Variants in GPC3 observed in about 807,000 individuals in gnomAD.
GPC3 encodes glypican-3.
A neutral mutation model predicts 34.4 loss-of-function variants in GPC3; 3 were observed. The ratio of observed to expected loss-of-function variants is 0.09; its 90% CI spans 0.04 to 0.23. GPC3 has a LOEUF of 0.23. GPC3 is among the 10% of genes least tolerant of loss of function. GPC3 has a pLI of 1.00. For missense variants in GPC3, 351 were observed against 445.6 expected, an observed-to-expected ratio of 0.79 and a Z score of 1.91; for synonymous variants, 177 against 174.0, an observed-to-expected ratio of 1.02 and a Z score of -0.13.
chrX:133,921,847 G>A (rs990612205), intron 2 of GPC3, among the ~76,000 whole-genome samples: 12 of 112,142 alleles, frequency 1.1e-4, no homozygotes, highest in Non-Finnish European at 2.1e-4. Flanking sequence ...ATGTGTCTCC[G>A]CCATGTTATG....
At chrX:133,836,632 A>G (rs967402457) in intron 2 of GPC3, among the ~76,000 whole-genome samples, 3 of 112,204 alleles carry the variant, frequency 2.7e-5, no homozygotes, top group African/African-American at 9.7e-5. Context: ...TTGGCCCCCA[A>G]TCTCAAGTCA....
At chrX:133,816,950 C>G (rs1397886521) in intron 2 of GPC3, among the ~76,000 whole-genome samples, 3 of 112,028 alleles carry the variant, frequency 2.7e-5, no homozygotes, top group Non-Finnish European at 5.6e-5. Flanking sequence ...AATTAGGGAC[C>G]CATAAACAAA....
At chrX:133,692,525 G>A in intron 4 of GPC3, 31 bp from the exon 5 acceptor site, 1 of 1,181,040 alleles carries the variant, frequency 8.5e-7, no homozygotes, top group Non-Finnish European at 1.2e-6. Flanking sequence ...CTGTGCATAA[G>A]AGGCAAGTAA....
intron 3 of GPC3, among the ~76,000 whole-genome samples, chrX:133,707,502 C>T (rs1029071190): frequency 1.8e-5 from 2 of 111,223 alleles, no homozygotes; most frequent in Non-Finnish European, 3.8e-5. Context: ...GGTTTAACAA[C>T]GATGAGAGAT....
intron 7 of GPC3, among the ~76,000 whole-genome samples, chrX:133,581,077 A>G (rs2069727291): frequency 8.9e-6 from 1 of 112,514 alleles, no homozygotes; most frequent in South Asian, 3.7e-4. Context: ...GCGAGGCTGA[A>G]CTCTAAAAGT....
chrX:133,796,271 C>T (rs925255812), intron 2 of GPC3, among the ~76,000 whole-genome samples: 9 of 111,988 alleles, frequency 8.0e-5, no homozygotes, highest in Admixed American at 9.4e-5. Context: ...CACACATCAA[C>T]GAAATTTCAT....
chrX:133,830,702 A>AAC (rs2075771355), intron 2 of GPC3, among the ~76,000 whole-genome samples: 1 of 108,005 alleles, frequency 9.3e-6, no homozygotes, highest in African/African-American at 3.4e-5. Flanking sequence ...AAAAAAAAAA[A>AAC]AAAACATACA....
chrX:133,883,533 A>C (rs1356339104), intron 2 of GPC3, among the ~76,000 whole-genome samples: 1 of 112,201 alleles, frequency 8.9e-6, no homozygotes, highest in African/African-American at 3.2e-5. Flanking sequence ...GGGAATTTAA[A>C]GTCAAGTTTT....
intron 7 of GPC3, among the ~76,000 whole-genome samples, chrX:133,576,621 A>G (rs1288772866): frequency 9.0e-6 from 1 of 111,028 alleles, no homozygotes; most frequent in Non-Finnish European, 1.9e-5. Context: ...CCTCTCTAAG[A>G]GCTAATATTA....
At chrX:133,984,411 T>C (rs1479581783) in intron 1 of GPC3, among the ~76,000 whole-genome samples, 1 of 112,818 alleles carries the variant, frequency 8.9e-6, no homozygotes, top group Non-Finnish European at 1.9e-5. Flanking sequence ...GCCATTAATA[T>C]TCATCTGTTG....
chrX:133,801,628 C>T (rs974985123), intron 2 of GPC3, among the ~76,000 whole-genome samples: 4 of 112,240 alleles, frequency 3.6e-5, no homozygotes, highest in Non-Finnish European at 7.5e-5. Context: ...AAATTCAATG[C>T]AATCTATGTC....
chrX:133,596,467 C>T lies in GPC3; in HGVS notation c.1546G>A (p.Val516Met), dbSNP rs1803692. Residue 516 changes from valine to methionine, a missense_variant, in exon 7 of 8, where the codon GTG becomes ATG. Physicochemically the swap from Val to Met is conservative, Grantham distance 21. Coordinates refer to ENST00000370818, the MANE Select transcript of GPC3 (RefSeq NM_004484.4). ...IGGSGDGMIK[V>M]KNQLRFLAEL... is the part of the protein sequence containing the mutation. The stretch of plus-strand genomic sequence containing the variant: ...GCAAGGAAGCGGAGCTGATTCTTCA[C>T]TTTTATCATTCCATCACCAGAGCCT... 8 of 1,208,626 alleles carry T rather than the reference C, an allele frequency of 6.6e-6. No individual in the cohort carries two copies. Among genetic ancestry groups the T allele is most frequent in the Admixed American group, 2.2e-5 (1 of 45,758 alleles).
intron 2 of GPC3, among the ~76,000 whole-genome samples, chrX:133,830,432 A>G (rs2075769378): frequency 9.0e-6 from 1 of 111,657 alleles, no homozygotes; most frequent in Non-Finnish European, 1.9e-5. Context: ...TAATCCCAGC[A>G]CTTTGGGAGG....
intron 5 of GPC3, among the ~76,000 whole-genome samples, chrX:133,677,903 A>G (rs1292575387): frequency 9.0e-6 from 1 of 111,569 alleles, no homozygotes; most frequent in Non-Finnish European, 1.9e-5. Context: ...AAAGCTGCAC[A>G]GAACACTCAT....
chrX:133,945,753 C>CA (rs199768417), intron 2 of GPC3, among the ~76,000 whole-genome samples: 3,626 of 79,278 alleles, frequency 0.046, 66 homozygotes, highest in East Asian at 0.094. Flanking sequence ...GACTCCGTCT[C>CA]AAAAAAAAAA....
At chrX:133,953,331 A>G in intron 1 of GPC3, 120 bp from the exon 2 acceptor site, 1 of 573,936 alleles carries the variant, frequency 1.7e-6, no homozygotes, top group South Asian at 2.5e-5. Flanking sequence ...CAAACAATGC[A>G]TTTCTTTTGA....
intron 3 of GPC3, among the ~76,000 whole-genome samples, chrX:133,721,486 G>T: frequency 9.0e-6 from 1 of 111,471 alleles, no homozygotes; most frequent in South Asian, 3.8e-4. Context: ...AAATAAAGAG[G>T]CTGAATTATT....
chrX:133,964,933 C>T (rs1266743197), intron 1 of GPC3, among the ~76,000 whole-genome samples: 3 of 111,301 alleles, frequency 2.7e-5, no homozygotes, highest in African/African-American at 9.8e-5. Context: ...TGACACTTTA[C>T]AACTAACTTT....
intron 7 of GPC3, among the ~76,000 whole-genome samples, chrX:133,585,656 TTC>T (rs2069781380): frequency 8.9e-6 from 1 of 111,760 alleles, no homozygotes; most frequent in South Asian, 3.8e-4. Flanking sequence ...ACTGCTTCAC[TTC>T]TGTTTGGCAA....
Sources: allele counts gnomAD v4.1 joint callset (sites outside exome capture counted in the v4.1 genomes callset), GRCh38; gene constraint gnomAD v4.1.1; transcripts MANE v1.5; gene names NCBI Gene and HGNC (gene_info 2026-07-23, HGNC 2026-07-21).